Variants in FRS2 observed in about 807,000 individuals in gnomAD.
FRS2 encodes FGFR signalling adaptor.
A neutral mutation model predicts 43.9 loss-of-function variants in FRS2; 8 were observed. That is an observed-to-expected ratio of 0.18 (90% CI 0.11 to 0.33). The LOEUF is 0.33. Ranked by LOEUF, FRS2 falls within the 10% of genes least tolerant of loss-of-function variation. FRS2 has a pLI of 1.00. For synonymous variants in FRS2, 219 were observed against 220.3 expected (o/e 0.99, Z 0.05); for missense variants, 534 against 627.6 (o/e 0.85, Z 1.59).
chr12:69,510,086 T>C (rs1388875473), intron 1 of FRS2, among the ~76,000 whole-genome samples: 1 of 152,190 alleles, frequency 6.6e-6, no homozygotes, highest in Non-Finnish European at 1.5e-5. Context: ...TCTAGCCCCC[T>C]CTTTCTCTCC....
intron 1 of FRS2, among the ~76,000 whole-genome samples, chr12:69,498,519 TTGTGTG>T (rs71094717): frequency 1.1e-4 from 16 of 141,590 alleles, no homozygotes; most frequent in South Asian, 9.7e-4. Context: ...TTATGAGGGT[TTGTGTG>T]TGTGTGTGTG....
intron 3 of FRS2, among the ~76,000 whole-genome samples, chr12:69,533,025 T>C (rs1876956176): frequency 6.6e-6 from 1 of 152,342 alleles, no homozygotes. Flanking sequence ...ATTCTCATTT[T>C]ACAAATGAGG....
intron 3 of FRS2, among the ~76,000 whole-genome samples, chr12:69,542,444 A>G (rs1286347336): frequency 6.6e-6 from 1 of 152,272 alleles, no homozygotes; most frequent in East Asian, 1.9e-4. Context: ...ATTTGTAAGT[A>G]ATCTAGAGGT....
chr12:69,485,543 T>C lies in FRS2; in HGVS notation c.-261+15013T>C, dbSNP rs779553555. ...TGTCACCCAGGCTGGAGTGCAGTGG[T>C]GCGATCTTGGCTCACTGCAACCTCC... On this transcript the variant is annotated intron_variant, in intron 1 of 8. Coordinates refer to ENST00000549921, the MANE Select transcript of FRS2 (RefSeq NM_001278356.2). Among the ~76,000 whole-genome samples the C allele has an allele frequency of 3.4e-4, 52 of 151,952 alleles. 1 individual carries two copies. Among genetic ancestry groups the C allele is most frequent in the Non-Finnish European group, 5.3e-4 (36 of 67,936 alleles).
chr12:69,552,590 T>G (rs558690319), intron 3 of FRS2, among the ~76,000 whole-genome samples: 1 of 152,200 alleles, frequency 6.6e-6, no homozygotes, highest in East Asian at 1.9e-4. Flanking sequence ...TATTTTGTAG[T>G]TCATTAAGTT....
At chr12:69,543,909 TC>T (rs1202101424) in intron 3 of FRS2, among the ~76,000 whole-genome samples, 1 of 152,104 alleles carries the variant, frequency 6.6e-6, no homozygotes, top group Non-Finnish European at 1.5e-5. Flanking sequence ...AATTAGGATC[TC>T]ATAGAGACCA....
At chr12:69,572,083 C>G in intron 7 of FRS2, 35 bp from the exon 8 acceptor site, 1 of 1,577,668 alleles carries the variant, frequency 6.3e-7, no homozygotes, top group Non-Finnish European at 8.7e-7. Context: ...TCTGCCCCGC[C>G]CCCCTTTTCC....
At chr12:69,480,611 A>C (rs993498670) in intron 1 of FRS2, among the ~76,000 whole-genome samples, 1 of 152,208 alleles carries the variant, frequency 6.6e-6, no homozygotes, top group Non-Finnish European at 1.5e-5. Context: ...GAGCACAGGC[A>C]TGTGCCACTG....
chr12:69,533,795 A>C (rs1877029916), intron 3 of FRS2, among the ~76,000 whole-genome samples: 1 of 152,090 alleles, frequency 6.6e-6, no homozygotes, highest in South Asian at 2.1e-4. Context: ...CCGCCAAATT[A>C]TTTGTTTGTA....
chr12:69,572,167 C>G lies in FRS2; in HGVS notation c.462C>G (p.Pro154=), dbSNP rs1880819816. 2.5e-6 allele frequency: 4 copies of G among 1,612,514 alleles called. No homozygotes were observed. The change falls in exon 8 of 9, where the codon CCC becomes CCG. Residue 154 remains proline, a synonymous_variant. Transcript: ENST00000549921. Reference sequence around the variant, plus strand: ...TACCTAATGGATATCCCCGATATCCCTCATTTGGAGATGCTTCATCCCATC... The same window carrying G: ...TACCTAATGGATATCCCCGATATCCGTCATTTGGAGATGCTTCATCCCATC... ...QNLPNGYPRY[P]SFGDASSHPS... is the part of the protein sequence containing the mutation.
chr12:69,535,219 A>G (rs1400756387), intron 3 of FRS2, among the ~76,000 whole-genome samples: 3 of 152,234 alleles, frequency 2.0e-5, no homozygotes, highest in African/African-American at 7.2e-5. Context: ...AGAATGGTCA[A>G]ACTAACATCC....
chr12:69,476,097 A>T (rs1007133804), intron 1 of FRS2, among the ~76,000 whole-genome samples: 17 of 152,312 alleles, frequency 1.1e-4, no homozygotes, highest in Middle Eastern at 3.4e-3. Context: ...TGGCTTAAAC[A>T]GAATCTGAGG....
intron 2 of FRS2, among the ~76,000 whole-genome samples, 195 bp downstream of exon 2, chr12:69,531,155 C>A (rs929519611): frequency 2.0e-5 from 3 of 151,928 alleles, no homozygotes; most frequent in African/African-American, 7.3e-5. Context: ...CATGGTGAAA[C>A]CCTGTCTCTG....
At position 69,571,478 on chromosome 12, in the gene FRS2, T is replaced by C. The variant is rs895612467; in HGVS notation, c.412+44T>C. ...TTTCACATTTTGAATAACAGACGTT[T>C]AGTTGTAAGCTATAGATTGTGGGTA... On this transcript the variant is annotated intron_variant, in intron 7 of 8. Coordinates refer to ENST00000549921, the MANE Select transcript of FRS2 (RefSeq NM_001278356.2). The C allele has an allele frequency of 2.1e-6, 3 of 1,453,612 alleles. No individual in the cohort carries two copies. In the African/African-American group the frequency reaches 4.2e-5, roughly 20 times the overall value. 90.0% of individuals were successfully genotyped at this position (1,453,612 alleles called of 1,614,324 possible).
Position 69,574,766 on chromosome 12 carries a change from C to T in FRS2, c.1338C>T (p.Asp446=). Residue 446 remains aspartate (D), a synonymous_variant, in exon 9 of 9, where the codon GAC becomes GAT. Transcript: ENST00000549921. ...YIQVDLEGGS[D]SDNPQTPKTP... is the part of the protein sequence containing the mutation. Reference sequence around the variant, plus strand: ...AGGTTGACTTGGAAGGTGGCAGTGACTCTGACAACCCTCAGACTCCAAAAA... The same window carrying T: ...AGGTTGACTTGGAAGGTGGCAGTGATTCTGACAACCCTCAGACTCCAAAAA... 6.2e-7 allele frequency: 1 copy of T among 1,614,168 alleles called. No homozygotes were observed. The highest frequency in any genetic ancestry group is 1.7e-5 in the Admixed American group (1 of 60,022).
rs1349698595 is a variant in FRS2 at position 69,578,099 on chromosome 12, A to AT, written c.*3149dup. 6.6e-6 allele frequency: 1 copy of AT among 152,546 alleles called. No individual in the cohort carries two copies. The highest frequency in any genetic ancestry group is 1.5e-5 in the Non-Finnish European group (1 of 68,014). 9.4% of individuals were successfully genotyped at this position (152,546 alleles called of 1,614,324 possible). A position where few individuals can be genotyped will look rare whatever the true frequency, so the allele number is the denominator to read the frequency against. On this transcript the variant is annotated 3_prime_UTR_variant, in exon 9 of 9. Transcript: ENST00000549921. ...TAATTTCCCAACAATGTGCCGCCAT[A>AT]TTTTTGCCTCAAGGTAAAGGTTTTA...
chr12:69,574,472 C>T lies in FRS2; in HGVS notation c.1044C>T (p.Asn348=). Residue 348 remains asparagine (N), a synonymous_variant, in exon 9 of 9, where the codon AAC becomes AAT. Coordinates refer to ENST00000549921, the MANE Select transcript of FRS2 (RefSeq NM_001278356.2). ...CTCAGAGAAGAACTGCATTATTAAA[C>T]TATGAAAATCTACCATCTTTGCCTC... is the stretch of plus-strand genomic sequence containing the variant. ...NSAQRRTALL[N]YENLPSLPPV... is the part of the protein sequence containing the mutation. The T allele has an allele frequency of 6.2e-7, 1 of 1,613,928 alleles. No individual in the cohort carries two copies. The highest frequency in any genetic ancestry group is 8.5e-7 in the Non-Finnish European group (1 of 1,179,822).
At chr12:69,520,822 T>A (rs1034549658) in intron 1 of FRS2, among the ~76,000 whole-genome samples, 10 of 152,222 alleles carry the variant, frequency 6.6e-5, no homozygotes, top group African/African-American at 1.9e-4. Flanking sequence ...ACTGTAGCCC[T>A]GTGATGTAAT....
At position 69,512,566 on chromosome 12, in the gene FRS2, A is replaced by T. The variant is rs570971260; in HGVS notation, c.-260-18299A>T. Among the ~76,000 whole-genome samples the T allele has an allele frequency of 4.6e-5, 7 of 152,048 alleles. No individual in the cohort carries two copies. In the South Asian group the frequency reaches 1.5e-3, roughly 32 times the overall value. On this transcript the variant is annotated intron_variant, in intron 1 of 8. Coordinates refer to ENST00000549921, the MANE Select transcript of FRS2 (RefSeq NM_001278356.2). Reference sequence around the variant, plus strand: ...GTGAGTGGATTGTGACCAGAAAAGAATTTTTTTTGTTGAGTTGCATACACT... The same window carrying T: ...GTGAGTGGATTGTGACCAGAAAAGATTTTTTTTTGTTGAGTTGCATACACT...
Sources: allele counts gnomAD v4.1 joint callset (sites outside exome capture counted in the v4.1 genomes callset), GRCh38; gene constraint gnomAD v4.1.1; transcripts MANE v1.5; gene names NCBI Gene and HGNC (gene_info 2026-07-23, HGNC 2026-07-21).